The following ALK variants were observed in gnomAD, a reference collection of about 807,000 sequenced individuals.
ALK encodes the protein ALK tyrosine kinase receptor.
A neutral mutation model predicts 163.1 loss-of-function variants in ALK; 74 were observed. That is an observed-to-expected ratio of 0.45 (90% CI 0.38 to 0.55). ALK has a LOEUF of 0.55. Among genes scored for constraint, ALK ranks in the 20% least tolerant of loss-of-function variants. The pLI is 0.00. For synonymous variants in ALK, 960 were observed against 843.2 expected (o/e 1.14, Z -2.40); for missense variants, 2,063 against 2,105.3 (o/e 0.98, Z 0.39).
intron 3 of ALK, among the ~76,000 whole-genome samples, chr2:29,588,271 G>A (rs144877467): frequency 0.016 from 2,420 of 151,748 alleles, 49 homozygotes; most frequent in African/African-American, 0.055. Flanking sequence ...TCACTCTGTC[G>A]CCCAGGCTGA....
chr2:29,228,933 T>TTGTCTCCCCCCCCC lies in ALK; in HGVS notation c.2765_2766insGGGGGGGGGAGACA (p.Gly926AspfsTer18). Reference sequence around the variant, plus strand: ...CTGAGGAGCACCCCCCTCCACCCCCTCCGAAACCCCCTCTTGTCTCCCACC... The same window carrying TTGTCTCCCCCCCCC: ...CTGAGGAGCACCCCCCTCCACCCCCTTGTCTCCCCCCCCCCCGAAACCCCCTCTTGTCTCCCACC... On this transcript the variant is annotated frameshift_variant, in exon 16 of 29. Coordinates refer to ENST00000389048, the MANE Select transcript of ALK (RefSeq NM_004304.5). LOFTEE classifies it high-confidence loss of function. The TTGTCTCCCCCCCCC allele has an allele frequency of 2.0e-6, 1 of 501,358 alleles. No homozygotes were observed. The highest frequency in any genetic ancestry group is 3.5e-5 in the Admixed American group (1 of 28,852). 31.1% of individuals were successfully genotyped at this position (501,358 alleles called of 1,614,324 possible).
At chr2:29,534,353 G>A (rs997518248) in intron 3 of ALK, among the ~76,000 whole-genome samples, 68 of 152,344 alleles carry the variant, frequency 4.5e-4, no homozygotes, top group African/African-American at 1.3e-3. Flanking sequence ...GCAATGTGTT[G>A]AGGGTGGATG....
chr2:29,318,818 G>C (rs1666916760), intron 7 of ALK, among the ~76,000 whole-genome samples: 1 of 152,034 alleles, frequency 6.6e-6, no homozygotes, highest in South Asian at 2.1e-4. Context: ...TGCCCGTCTC[G>C]GCCTCCCAAA....
chr2:29,813,401 G>A lies in ALK; in HGVS notation c.668-95704C>T, dbSNP rs115917441. 5.3e-3 allele frequency among the ~76,000 whole-genome samples: 814 copies of A among 152,242 alleles called. 9 individuals are homozygous for A. The highest frequency in any genetic ancestry group is 0.019 in the African/African-American group (770 of 41,528). On this transcript the variant is annotated intron_variant, in intron 1 of 28. Coordinates refer to ENST00000389048, the MANE Select transcript of ALK (RefSeq NM_004304.5). ...TAGAATCTCTTAGCACTAAGAATGG[G>A]GGTTTGAGGGGAATTAGGGAGTGGA...
intron 13 of ALK, among the ~76,000 whole-genome samples, chr2:29,238,541 G>T (rs969374429): frequency 1.3e-5 from 2 of 152,144 alleles, no homozygotes; most frequent in African/African-American, 4.8e-5. Context: ...CTTGAGAATT[G>T]TGTCTAGACA....
At position 29,192,885 on chromosome 2, in the gene ALK, C is replaced by T. The variant is rs1286216479; in HGVS notation, c.*339G>A. The T allele has an allele frequency of 4.8e-6, 2 of 417,714 alleles. No homozygotes were observed. The highest frequency in any genetic ancestry group is 4.0e-5 in the African/African-American group (2 of 50,520). The allele number at this position is 417,714 out of a possible 1,614,324, so 25.9% of individuals were successfully genotyped here. On this transcript the variant is annotated 3_prime_UTR_variant, in exon 29 of 29. Coordinates refer to ENST00000389048, the MANE Select transcript of ALK (RefSeq NM_004304.5). ...TGACCCCAACTATGAAACATAGAAGCAGCTAATTCTGACTACATTGAAGCA... is the reference window on the plus strand; with the variant it reads ...TGACCCCAACTATGAAACATAGAAGTAGCTAATTCTGACTACATTGAAGCA...
intron 5 of ALK, among the ~76,000 whole-genome samples, chr2:29,381,837 A>T (rs2148299984): frequency 6.6e-6 from 1 of 152,280 alleles, no homozygotes; most frequent in Non-Finnish European, 1.5e-5. Flanking sequence ...TAATTTTAGG[A>T]TGATTCTTAT....
intron 26 of ALK, among the ~76,000 whole-genome samples, chr2:29,198,426 T>C (rs945167704): frequency 6.6e-6 from 1 of 152,194 alleles, no homozygotes; most frequent in Non-Finnish European, 1.5e-5. Flanking sequence ...GATTCCATTC[T>C]CCCACACCCC....
chr2:29,685,077 G>A (rs1573554488), intron 3 of ALK, among the ~76,000 whole-genome samples: 5 of 152,142 alleles, frequency 3.3e-5, no homozygotes, highest in Admixed American at 3.3e-4. Context: ...TATATTATAG[G>A]AATCAATTGT....
At chr2:29,396,311 C>T (rs1669302037) in intron 4 of ALK, among the ~76,000 whole-genome samples, 1 of 152,154 alleles carries the variant, frequency 6.6e-6, no homozygotes, top group African/African-American at 2.4e-5. Flanking sequence ...AGAACTGAGA[C>T]CCAAGGACAC....
chr2:29,864,021 T>A (rs1666362281), intron 1 of ALK, among the ~76,000 whole-genome samples: 1 of 152,220 alleles, frequency 6.6e-6, no homozygotes, highest in African/African-American at 2.4e-5. Context: ...TAATGCTTTA[T>A]CTTATTTCAT....
rs569264982 is a variant in ALK at position 29,833,037 on chromosome 2, C to T, written c.667+86956G>A. On this transcript the variant is annotated intron_variant, in intron 1 of 28. Transcript: ENST00000389048. The stretch of plus-strand genomic sequence containing the variant: ...AGAGAGCCCAGTGTGGGTGGGTGCA[C>T]AGCCCAGAGAGCACTTGAGGTAGGG... Among the ~76,000 whole-genome samples, 3 of 152,228 alleles carry T rather than the reference C, an allele frequency of 2.0e-5. No homozygotes were observed. In the East Asian group the frequency reaches 5.8e-4, roughly 29 times the overall value.
intron 1 of ALK, among the ~76,000 whole-genome samples, chr2:29,883,398 G>T (rs1165330549): frequency 6.6e-6 from 1 of 152,236 alleles, no homozygotes; most frequent in East Asian, 1.9e-4. Flanking sequence ...CAAGGCCCAG[G>T]TTTAGGCCAT....
In ALK at chr2:29,193,028, C is replaced by G; in HGVS notation, c.*196G>C. 1.6e-6 allele frequency: 1 copy of G among 623,544 alleles called. No individual in the cohort carries two copies. The highest frequency in any genetic ancestry group is 2.8e-6 in the Non-Finnish European group (1 of 354,946). The allele number at this position is 623,544 out of a possible 1,614,324, so 38.6% of individuals were successfully genotyped here. A position where few individuals can be genotyped will look rare whatever the true frequency, so the allele number is the denominator to read the frequency against. ...TCATTTTTATGATATTTTCTTCTTTCGAAAGAATAGGATGAACCCATGCTC... is the reference window on the plus strand; with the variant it reads ...TCATTTTTATGATATTTTCTTCTTTGGAAAGAATAGGATGAACCCATGCTC... On this transcript the variant is annotated 3_prime_UTR_variant, in exon 29 of 29. Transcript: ENST00000389048.
At chr2:29,520,669 G>A (rs145004287) in intron 4 of ALK, among the ~76,000 whole-genome samples, 64 of 152,268 alleles carry the variant, frequency 4.2e-4, no homozygotes, top group Middle Eastern at 6.8e-3. Flanking sequence ...CTTGATGGTC[G>A]GGAAGGTGAG....
At chr2:29,432,749 T>G (rs886258377) in intron 4 of ALK, among the ~76,000 whole-genome samples, 3 of 152,052 alleles carry the variant, frequency 2.0e-5, no homozygotes, top group African/African-American at 7.2e-5. Context: ...TTTTTTTTTT[T>G]TTTTTAAACC....
Position 29,920,469 on chromosome 2 carries a change from A to C in ALK, c.191T>G (p.Phe64Cys). 1 of 1,612,814 alleles carries C rather than the reference A, an allele frequency of 6.2e-7. No homozygotes were observed. The highest frequency in any genetic ancestry group is 8.5e-7 in the Non-Finnish European group (1 of 1,179,576). Residue 64 changes from phenylalanine to cysteine, a missense_variant, in exon 1 of 29, where the codon TTC (phenylalanine) becomes TGC (cysteine). Phe to Cys is a radical substitution (Grantham distance 205). Coordinates refer to ENST00000389048, the MANE Select transcript of ALK (RefSeq NM_004304.5). ...LAVDFVVPSL[F>C]RVYARDLLLP... is the part of the protein sequence containing the mutation. ...CAGTAGGTCCCGGGCGTAGACACGG[A>C]AGAGCGAGGGCACCACGAAGTCAAC...
At chr2:29,310,422 C>T (rs1666665932) in intron 8 of ALK, among the ~76,000 whole-genome samples, 1 of 152,208 alleles carries the variant, frequency 6.6e-6, no homozygotes, top group African/African-American at 2.4e-5. Context: ...GTCCCTTCCT[C>T]CAGCACTGGA....
chr2:29,382,034 C>T (rs575815233), intron 5 of ALK, among the ~76,000 whole-genome samples: 6 of 152,300 alleles, frequency 3.9e-5, no homozygotes, highest in African/African-American at 1.4e-4. Flanking sequence ...AGAAGAATCA[C>T]AGAGAACATT....
Sources: gnomAD v4.1 joint callset for allele counts (sites outside exome capture counted in the v4.1 genomes callset) on GRCh38, gnomAD v4.1.1 for gene constraint, MANE v1.5 for transcripts, NCBI Gene and HGNC (gene_info 2026-07-23, HGNC 2026-07-21) for gene names.